Variants in SEMA5A observed in about 807,000 individuals in gnomAD.
SEMA5A encodes the protein semaphorin-5A.
A neutral mutation model predicts 135.5 loss-of-function variants in SEMA5A; 55 were observed. That is an observed-to-expected ratio of 0.41 (90% CI 0.33 to 0.51). SEMA5A has a LOEUF of 0.51. Among genes scored for constraint, SEMA5A ranks in the 20% least tolerant of loss-of-function variants. The pLI, the probability that SEMA5A is intolerant of heterozygous loss-of-function variation, is 0.37. For synonymous variants in SEMA5A, 580 were observed against 546.5 expected (o/e 1.06, Z -0.85); for missense variants, 1,290 against 1,419.9 (o/e 0.91, Z 1.47).
At chr5:9,259,267 AG>A (rs1250915489) in intron 5 of SEMA5A, among the ~76,000 whole-genome samples, 1 of 152,246 alleles carries the variant, frequency 6.6e-6, no homozygotes, top group Non-Finnish European at 1.5e-5. Context: ...AAAGGTTTGT[AG>A]TACCAAATTT....
intron 1 of SEMA5A, among the ~76,000 whole-genome samples, chr5:9,492,247 ACTT>A (rs1735054953): frequency 6.6e-6 from 1 of 152,202 alleles, no homozygotes; most frequent in Non-Finnish European, 1.5e-5. Flanking sequence ...CTTGTTGATG[ACTT>A]CTTCTGTGCC....
At chr5:9,524,971 AAG>A (rs1179104739) in intron 1 of SEMA5A, among the ~76,000 whole-genome samples, 1 of 152,196 alleles carries the variant, frequency 6.6e-6, no homozygotes, top group African/African-American at 2.4e-5. Context: ...GAGAGGAAAA[AAG>A]AGATTTCAGA....
chr5:9,453,447 CCCCA>C (rs1758719896), intron 1 of SEMA5A, among the ~76,000 whole-genome samples: 1 of 152,116 alleles, frequency 6.6e-6, no homozygotes, highest in African/African-American at 2.4e-5. Flanking sequence ...TTTAAAATGG[CCCCA>C]AGCATAGGGC....
intron 11 of SEMA5A, among the ~76,000 whole-genome samples, chr5:9,185,827 G>T (rs924965182): frequency 1.3e-5 from 2 of 152,158 alleles, no homozygotes; most frequent in African/African-American, 4.8e-5. Context: ...ATGGCATTGT[G>T]GGGGAGGGAG....
chr5:9,504,663 C>G (rs1254899058), intron 1 of SEMA5A, among the ~76,000 whole-genome samples: 1 of 152,140 alleles, frequency 6.6e-6, no homozygotes, highest in Non-Finnish European at 1.5e-5. Flanking sequence ...CAGAACCCTT[C>G]CTAAAGAAAA....
In SEMA5A at chr5:9,054,111, G is replaced by A. The variant is rs753297284; in HGVS notation, c.2665C>T (p.Leu889Phe). Residue 889 changes from leucine to phenylalanine, a missense_variant, in exon 19 of 23, where the codon CTC becomes TTC. Leu to Phe is a conservative substitution (Grantham distance 22). This residue lies in a region of SEMA5A where 1,029 missense variants were observed against 1,086.6 expected (regional missense o/e 0.95). Transcript: ENST00000382496. ...CCTGGGCAGGGCTGCGTGTTGCAGA[G>A]TGCCTCTTCTGTGTGCAGCCCCAGG... ...ICLGLHTEEA[L>F]CNTQPCPESW... is the part of the protein sequence containing the mutation. The A allele has an allele frequency of 1.2e-6, 2 of 1,612,600 alleles. No homozygotes were observed. The highest frequency in any genetic ancestry group is 1.3e-5 in the African/African-American group (1 of 74,754).
At chr5:9,188,359 C>A (rs528590157) in intron 11 of SEMA5A, among the ~76,000 whole-genome samples, 59 of 152,300 alleles carry the variant, frequency 3.9e-4, no homozygotes, top group Middle Eastern at 3.4e-3. Flanking sequence ...CTGACTAAGA[C>A]ACTCATCAAA....
At chr5:9,147,867 A>T (rs1341235238) in intron 12 of SEMA5A, among the ~76,000 whole-genome samples, 1 of 152,190 alleles carries the variant, frequency 6.6e-6, no homozygotes, top group Non-Finnish European at 1.5e-5. Context: ...GTAAATTAGC[A>T]GATAAGGGAG....
chr5:9,150,487 C>G (rs746539271), intron 12 of SEMA5A, among the ~76,000 whole-genome samples: 1 of 152,082 alleles, frequency 6.6e-6, no homozygotes, highest in Non-Finnish European at 1.5e-5. Flanking sequence ...AAAAAAAATG[C>G]TAACATCAAA....
At chr5:9,059,938 A>C (rs1303754259) in intron 18 of SEMA5A, among the ~76,000 whole-genome samples, 1 of 152,216 alleles carries the variant, frequency 6.6e-6, no homozygotes, top group Non-Finnish European at 1.5e-5. Flanking sequence ...TGAACCCAAC[A>C]GGGTTAAAGA....
At chr5:9,138,335 G>A (rs1741873417) in intron 12 of SEMA5A, among the ~76,000 whole-genome samples, 1 of 152,086 alleles carries the variant, frequency 6.6e-6, no homozygotes, top group South Asian at 2.1e-4. Context: ...AAGCATGCTT[G>A]TGTACACATA....
chr5:9,336,521 G>A (rs1753397898), intron 4 of SEMA5A, among the ~76,000 whole-genome samples: 1 of 152,182 alleles, frequency 6.6e-6, no homozygotes, highest in African/African-American at 2.4e-5. Flanking sequence ...TATTGCTACT[G>A]GACTAAGGTA....
chr5:9,297,549 G>GT (rs371474249), intron 5 of SEMA5A, among the ~76,000 whole-genome samples: 94 of 151,630 alleles, frequency 6.2e-4, no homozygotes, highest in Middle Eastern at 3.4e-3. Flanking sequence ...ATAAATTTCT[G>GT]TTTTTTTTGT....
intron 2 of SEMA5A, among the ~76,000 whole-genome samples, chr5:9,414,043 C>T (rs1263093053): frequency 1.3e-5 from 2 of 152,106 alleles, no homozygotes; most frequent in Admixed American, 1.3e-4. Flanking sequence ...TCATAATTAT[C>T]ATCTACTGTC....
intron 1 of SEMA5A, among the ~76,000 whole-genome samples, chr5:9,454,141 A>G (rs191708276): frequency 6.6e-6 from 1 of 152,304 alleles, no homozygotes; most frequent in East Asian, 1.9e-4. Flanking sequence ...CCTCAGAAAC[A>G]CAAATCTGTA....
chr5:9,321,397 A>G (rs1399943172), intron 4 of SEMA5A, among the ~76,000 whole-genome samples: 1 of 152,054 alleles, frequency 6.6e-6, no homozygotes, highest in East Asian at 1.9e-4. Context: ...ACCCTCACAT[A>G]TTTCCCACTG....
At chr5:9,524,049 G>A (rs1191338499) in intron 1 of SEMA5A, among the ~76,000 whole-genome samples, 1 of 152,196 alleles carries the variant, frequency 6.6e-6, no homozygotes, top group Non-Finnish European at 1.5e-5. Flanking sequence ...ATTGGATCAT[G>A]GGGTGGTTTC....
At chr5:9,047,098 A>G (rs1228458737) in intron 21 of SEMA5A, among the ~76,000 whole-genome samples, 1 of 152,156 alleles carries the variant, frequency 6.6e-6, no homozygotes, top group African/African-American at 2.4e-5. Flanking sequence ...TGTAACAATG[A>G]CGCTATACTT....
rs375357895 is a variant in SEMA5A, at chr5:9,290,468, T to G, written c.270+27904A>C. On this transcript the variant is annotated intron_variant, in intron 5 of 22. Coordinates refer to ENST00000382496, the MANE Select transcript of SEMA5A (RefSeq NM_003966.3). ...GATGGGCATTTGGATTGGTTCAATA[T>G]TTTTGCAGTTGAGTATTGTGCTGCT... is the stretch of plus-strand genomic sequence containing the variant. Among the ~76,000 whole-genome samples, 29 of 152,340 alleles carry G rather than the reference T, an allele frequency of 1.9e-4. 1 individual carries two copies. The East Asian group carries it at 3.7e-3, about 19-fold the overall frequency.
Sources: gnomAD v4.1 joint callset for allele counts (sites outside exome capture counted in the v4.1 genomes callset) on GRCh38, gnomAD v4.1.1 for gene constraint, gnomAD v4.1.1 regional missense constraint, MANE v1.5 for transcripts, NCBI Gene and HGNC (gene_info 2026-07-23, HGNC 2026-07-21) for gene names.